FBXL7: variants seen among roughly 807,000 people sequenced by gnomAD.
FBXL7 encodes the protein F-box/LRR-repeat protein 7.
In FBXL7, 12 loss-of-function variants were observed where a neutral mutation model predicts 38.3. The observed-to-expected ratio is 0.31, with a 90% CI of 0.20 to 0.51. The LOEUF is 0.51. Among genes scored for constraint, FBXL7 ranks in the 20% least tolerant of loss-of-function variants. The pLI is 0.98. For missense variants in FBXL7, 567 were observed against 676.4 expected (o/e 0.84, Z 1.79); for synonymous variants, 297 against 300.9 (o/e 0.99, Z 0.13).
chr5:15,860,293 A>G (rs79361255), intron 2 of FBXL7, among the ~76,000 whole-genome samples: 6 of 152,214 alleles, frequency 3.9e-5, no homozygotes, highest in African/African-American at 1.2e-4. Flanking sequence ...TTTATTAAGT[A>G]TGAGAAAATT....
At chr5:15,586,251 C>G (rs552225381) in intron 1 of FBXL7, among the ~76,000 whole-genome samples, 2 of 132,590 alleles carry the variant, frequency 1.5e-5, no homozygotes, top group South Asian at 5.8e-4. Context: ...TAAAAAGTTT[C>G]TCCCCTCCCC....
intron 1 of FBXL7, among the ~76,000 whole-genome samples, chr5:15,550,315 A>T (rs933003172): frequency 6.6e-6 from 1 of 152,216 alleles, no homozygotes; most frequent in Non-Finnish European, 1.5e-5. Context: ...CATGTCACAA[A>T]TGGCTTCTGG....
intron 2 of FBXL7, among the ~76,000 whole-genome samples, chr5:15,844,714 A>G (rs1738844330): frequency 6.6e-6 from 1 of 152,126 alleles, no homozygotes; most frequent in Admixed American, 6.5e-5. Flanking sequence ...ACCCAACACT[A>G]TGAAGGGAGT....
chr5:15,853,541 G>A (rs1483982708), intron 2 of FBXL7, among the ~76,000 whole-genome samples: 4 of 152,058 alleles, frequency 2.6e-5, no homozygotes, highest in Admixed American at 2.6e-4. Flanking sequence ...CTCAATCCTG[G>A]ACAAGCATCC....
intron 2 of FBXL7, among the ~76,000 whole-genome samples, chr5:15,795,942 C>G (rs1737405649): frequency 6.6e-6 from 1 of 152,158 alleles, no homozygotes; most frequent in South Asian, 2.1e-4. Flanking sequence ...CAAAAACTGT[C>G]AAATTTCTTA....
intron 2 of FBXL7, among the ~76,000 whole-genome samples, chr5:15,707,173 CG>C (rs1371828433): frequency 3.3e-4 from 13 of 39,168 alleles, no homozygotes; most frequent in Admixed American, 5.8e-4. Context: ...TTTTTCTTTT[CG>C]TTTTTTTTTT....
chr5:15,626,490 A>G (rs565358755), intron 2 of FBXL7, among the ~76,000 whole-genome samples: 2 of 152,060 alleles, frequency 1.3e-5, no homozygotes, highest in African/African-American at 4.8e-5. Flanking sequence ...TCCAAAATGC[A>G]TCATCCAGAA....
chr5:15,752,820 C>G (rs1367498438), intron 2 of FBXL7, among the ~76,000 whole-genome samples: 2 of 152,158 alleles, frequency 1.3e-5, no homozygotes, highest in African/African-American at 4.8e-5. Context: ...ATCTTAAATT[C>G]GTCAACCACA....
intron 2 of FBXL7, among the ~76,000 whole-genome samples, chr5:15,785,021 A>G (rs1307413238): frequency 2.6e-5 from 4 of 152,160 alleles, no homozygotes; most frequent in African/African-American, 7.2e-5. Context: ...GGGTGTAGCT[A>G]TCATGAATCA....
chr5:15,618,728 G>C (rs1218385066), intron 2 of FBXL7, among the ~76,000 whole-genome samples: 1 of 152,180 alleles, frequency 6.6e-6, no homozygotes, highest in Non-Finnish European at 1.5e-5. Context: ...AGAAGCAGAA[G>C]GCAGACACTG....
At chr5:15,902,596 T>C (rs1385133133) in intron 2 of FBXL7, among the ~76,000 whole-genome samples, 1 of 152,214 alleles carries the variant, frequency 6.6e-6, no homozygotes, top group Non-Finnish European at 1.5e-5. Flanking sequence ...TGACAGTGGC[T>C]TTCAAAATTT....
intron 2 of FBXL7, among the ~76,000 whole-genome samples, chr5:15,714,996 A>C (rs1176541922): frequency 1.3e-5 from 2 of 152,128 alleles, no homozygotes; most frequent in Non-Finnish European, 2.9e-5. Context: ...GAAGCTGGAA[A>C]ATGCAGCACA....
chr5:15,732,181 C>T (rs922156935), intron 2 of FBXL7, among the ~76,000 whole-genome samples: 2 of 152,340 alleles, frequency 1.3e-5, no homozygotes, highest in Admixed American at 1.3e-4. Context: ...GCGAATTCCA[C>T]AGATGTGCTT....
intron 1 of FBXL7, among the ~76,000 whole-genome samples, chr5:15,589,989 C>T (rs1301130099): frequency 6.6e-6 from 1 of 152,172 alleles, no homozygotes; most frequent in East Asian, 1.9e-4. Context: ...AAGGTTGGGA[C>T]TTCATTCACC....
At chr5:15,559,500 G>A (rs1046945497) in intron 1 of FBXL7, among the ~76,000 whole-genome samples, 2 of 152,140 alleles carry the variant, frequency 1.3e-5, no homozygotes, top group Admixed American at 6.5e-5. Context: ...TGGCATCAGA[G>A]AACCGACGTG....
At chr5:15,851,813 TACACACACACAC>T (rs35896061) in intron 2 of FBXL7, among the ~76,000 whole-genome samples, 14 of 133,694 alleles carry the variant, frequency 1.0e-4, no homozygotes, top group East Asian at 2.1e-4. Context: ...TGCAAACTAA[TACACACACACAC>T]ACACACACAC....
intron 2 of FBXL7, among the ~76,000 whole-genome samples, chr5:15,803,883 G>GC (rs1737636658): frequency 1.3e-5 from 2 of 152,146 alleles, no homozygotes; most frequent in African/African-American, 4.8e-5. Flanking sequence ...GAACCACCAT[G>GC]TTTGAGGGAC....
chr5:15,868,246 G>A (rs761533168), intron 2 of FBXL7, among the ~76,000 whole-genome samples: 6 of 152,196 alleles, frequency 3.9e-5, no homozygotes, highest in Non-Finnish European at 8.8e-5. Context: ...TCCTACAGTG[G>A]AATTCTGTCA....
chr5:15,754,990 T>C (rs1036342347), intron 2 of FBXL7, among the ~76,000 whole-genome samples: 1 of 152,198 alleles, frequency 6.6e-6, no homozygotes, highest in African/African-American at 2.4e-5. Flanking sequence ...AGTTGTGATG[T>C]TTTTCTTGAA....
Sources: allele counts gnomAD v4.1 joint callset (sites outside exome capture counted in the v4.1 genomes callset), GRCh38; gene constraint gnomAD v4.1.1; transcripts MANE v1.5; gene names NCBI Gene and HGNC (gene_info 2026-07-23, HGNC 2026-07-21).